FOXP1: variants seen among roughly 807,000 people sequenced by gnomAD.
FOXP1 encodes the protein forkhead box protein P1.
FOXP1 carries 15 observed loss-of-function variants against 98.2 expected under a neutral mutation model. That is an observed-to-expected ratio of 0.15 (90% CI 0.10 to 0.24). The LOEUF is 0.24. Ranked by LOEUF, FOXP1 falls within the 10% of genes least tolerant of loss-of-function variation. The probability of loss-of-function intolerance (pLI) is 1.00; values close to 1 mark genes in which losing one functional copy is unlikely to be tolerated. For synonymous variants in FOXP1, 371 were observed against 314.5 expected (o/e 1.18, Z -1.90); for missense variants, 633 against 848.5 (o/e 0.75, Z 3.15).
chr3:71,583,004 T>C (rs746892443), intron 1 of FOXP1, among the ~76,000 whole-genome samples: 16 of 151,848 alleles, frequency 1.1e-4, no homozygotes, highest in Non-Finnish European at 2.1e-4. Context: ...TTGCTCCAAG[T>C]CTAAACTTTG....
In FOXP1 at chr3:70,959,255, T is replaced by C. The variant is rs749390659; in HGVS notation, c.2026A>G (p.Met676Val). The stretch of plus-strand genomic sequence containing the variant: ...TTGGCCCGCCCCGATAGTCACTCCA[T>C]GTCCTCGTTTACTGGTTCATCTTCG... Reference protein sequence around the residue: ...DYEDEPVNEDME With the variant: ...DYEDEPVNEDVE Residue 676 changes from methionine to valine, a missense_variant, in exon 21 of 21, where the codon ATG becomes GTG. By Grantham distance (21) the Met-to-Val change is conservative (BLOSUM62 1). Around this residue, in one of 6 missense-constraint regions of FOXP1, gnomAD observed 150 missense variants for 163.7 expected, o/e 0.92. Transcript: ENST00000649528. The C allele has an allele frequency of 1.2e-6, 2 of 1,613,748 alleles. No homozygotes were observed. Among genetic ancestry groups the C allele is most frequent in the Non-Finnish European group, 1.7e-6 (2 of 1,179,904 alleles).
At chr3:71,317,414 G>A (rs561881492) in intron 4 of FOXP1, among the ~76,000 whole-genome samples, 80 of 152,120 alleles carry the variant, frequency 5.3e-4, no homozygotes, top group African/African-American at 1.9e-3. Flanking sequence ...GGCGGGCTCT[G>A]GAGACAAAGA....
intron 5 of FOXP1, among the ~76,000 whole-genome samples, chr3:71,226,574 T>C (rs2065855926): frequency 6.6e-6 from 1 of 151,716 alleles, no homozygotes; most frequent in Non-Finnish European, 1.5e-5. Flanking sequence ...CTCTCTCCTG[T>C]CTCTCTCCCT....
At chr3:71,123,515 G>A (rs1346608567) in intron 6 of FOXP1, among the ~76,000 whole-genome samples, 6 of 152,048 alleles carry the variant, frequency 3.9e-5, no homozygotes, top group Non-Finnish European at 7.4e-5. Context: ...TTTTCAAAAC[G>A]AGCTTTTCAT....
intron 7 of FOXP1, among the ~76,000 whole-genome samples, chr3:71,103,496 G>A (rs1460989959): frequency 1.3e-5 from 2 of 152,170 alleles, no homozygotes; most frequent in Admixed American, 6.5e-5. Flanking sequence ...TGGCTTTCCT[G>A]ACCGGGCAGG....
chr3:71,005,774 T>C (rs745684315), intron 12 of FOXP1, among the ~76,000 whole-genome samples: 3 of 152,020 alleles, frequency 2.0e-5, no homozygotes, highest in Non-Finnish European at 2.9e-5. Context: ...AAAGGAAAAG[T>C]AGAGCGCTTC....
At chr3:71,098,133 G>T (rs1342608265) in intron 7 of FOXP1, among the ~76,000 whole-genome samples, 3 of 152,132 alleles carry the variant, frequency 2.0e-5, no homozygotes. Flanking sequence ...ATTTGTCTTA[G>T]ATTTCCCTGA....
intron 5 of FOXP1, among the ~76,000 whole-genome samples, chr3:71,264,569 A>C (rs982738961): frequency 5.3e-5 from 8 of 152,084 alleles, no homozygotes; most frequent in African/African-American, 1.9e-4. Context: ...ATCTGATTAG[A>C]TTTCCTAATT....
chr3:71,102,702 G>A (rs527622940), intron 7 of FOXP1, among the ~76,000 whole-genome samples: 1 of 152,178 alleles, frequency 6.6e-6, no homozygotes, highest in African/African-American at 2.4e-5. Flanking sequence ...TTAGGAGACG[G>A]TGTGGTCTGG....
intron 3 of FOXP1, among the ~76,000 whole-genome samples, chr3:71,383,429 G>C (rs1357475637): frequency 6.6e-6 from 1 of 152,156 alleles, no homozygotes; most frequent in Admixed American, 6.5e-5. Flanking sequence ...GACATTGTTG[G>C]TCTAGTATCA....
chr3:71,064,848 G>GGCGCGCGGAGCCGGGCTCGGGGCGC, intron 7 of FOXP1: 5 of 983,034 alleles, frequency 5.1e-6, no homozygotes, highest in Non-Finnish European at 6.0e-6. Context: ...GTAGCCGCCA[G>GGCGCGCGGAGCCGGGCTCGGGGCGC]GCGCGCGGAG....
At chr3:71,084,463 C>A (rs2054803368) in intron 7 of FOXP1, among the ~76,000 whole-genome samples, 1 of 152,004 alleles carries the variant, frequency 6.6e-6, no homozygotes, top group Non-Finnish European at 1.5e-5. Context: ...GTTCTTGATC[C>A]ACTCTGCCAA....
intron 7 of FOXP1, among the ~76,000 whole-genome samples, chr3:71,101,555 G>A (rs539397887): frequency 6.6e-6 from 1 of 151,942 alleles, no homozygotes; most frequent in South Asian, 2.1e-4. Flanking sequence ...TACTAAGAAG[G>A]CCAGACAGGT....
intron 14 of FOXP1, among the ~76,000 whole-genome samples, chr3:70,984,297 C>G (rs1027365930): frequency 6.6e-6 from 1 of 152,160 alleles, no homozygotes; most frequent in African/African-American, 2.4e-5. Flanking sequence ...TCAGAGGGAC[C>G]GATCTGGGCA....
At chr3:71,421,310 T>C (rs1178462186) in intron 3 of FOXP1, among the ~76,000 whole-genome samples, 1 of 152,184 alleles carries the variant, frequency 6.6e-6, no homozygotes, top group Non-Finnish European at 1.5e-5. Context: ...ACATTAAAGG[T>C]GAATTTAGCT....
chr3:71,531,364 G>A (rs1431058515), intron 2 of FOXP1, among the ~76,000 whole-genome samples: 1 of 152,182 alleles, frequency 6.6e-6, no homozygotes, highest in African/African-American at 2.4e-5. Context: ...TCAGCTATCG[G>A]CCTGGCTCCA....
intron 3 of FOXP1, among the ~76,000 whole-genome samples, chr3:71,481,195 C>T (rs9828629): frequency 0.36 from 55,061 of 152,050 alleles, 10,440 homozygotes; most frequent in African/African-American, 0.4. Context: ...AAAAATTTAC[C>T]ATGTGCTAAC....
At chr3:71,376,259 C>T (rs549101705) in intron 3 of FOXP1, among the ~76,000 whole-genome samples, 89 of 152,096 alleles carry the variant, frequency 5.9e-4, no homozygotes, top group African/African-American at 2.0e-3. Context: ...CAAAGTAAGG[C>T]CCAGAAGCAG....
At chr3:71,433,928 C>G (rs985363365) in intron 3 of FOXP1, among the ~76,000 whole-genome samples, 1 of 152,208 alleles carries the variant, frequency 6.6e-6, no homozygotes, top group African/African-American at 2.4e-5. Flanking sequence ...GAAACCCAAG[C>G]CCACGTTACA....
Sources: allele counts gnomAD v4.1 joint callset (sites outside exome capture counted in the v4.1 genomes callset), GRCh38; gene constraint gnomAD v4.1.1; regional missense constraint gnomAD v4.1.1; transcripts MANE v1.5; gene names NCBI Gene and HGNC (gene_info 2026-07-23, HGNC 2026-07-21).